Variants in FRMD4A observed in about 807,000 individuals in gnomAD.
The protein encoded by FRMD4A is FERM domain-containing protein 4A.
In FRMD4A, 29 loss-of-function variants were observed where a neutral mutation model predicts 129.1. The ratio of observed to expected loss-of-function variants is 0.22; its 90% CI spans 0.17 to 0.31. The LOEUF (loss-of-function observed/expected upper bound fraction) is 0.31, where lower values mean the gene tolerates loss of function less well. Among genes scored for constraint, FRMD4A ranks in the 10% least tolerant of loss-of-function variants. FRMD4A has a pLI of 1.00. For synonymous variants in FRMD4A, 634 were observed against 571.6 expected, an observed-to-expected ratio of 1.11 and a Z score of -1.56; for missense variants, 1,272 against 1,375.8, an observed-to-expected ratio of 0.92 and a Z score of 1.19.
intron 2 of FRMD4A, among the ~76,000 whole-genome samples, chr10:14,097,371 A>C (rs778779172): frequency 6.6e-6 from 1 of 152,148 alleles, no homozygotes; most frequent in Non-Finnish European, 1.5e-5. Flanking sequence ...AAGAAATAAT[A>C]ATTATTGTGA....
At position 13,883,511 on chromosome 10, in the gene FRMD4A, A is replaced by G. The variant is rs544613073; in HGVS notation, c.46-24599T>C. On this transcript the variant is annotated intron_variant, in intron 2 of 24. Coordinates refer to ENST00000357447, the MANE Select transcript of FRMD4A (RefSeq NM_018027.5). ...TGTCTCAAAAAACAAACAAACAAAA[A>G]AAACCAAGAAACAAAGCACTGTGTT... is the stretch of plus-strand genomic sequence containing the variant. Among the ~76,000 whole-genome samples the G allele has an allele frequency of 1.8e-3, 281 of 152,286 alleles. 1 individual carries two copies. The highest frequency in any genetic ancestry group is 6.1e-3 in the African/African-American group (255 of 41,556).
chr10:14,279,908 G>A (rs1222279485), intron 2 of FRMD4A, among the ~76,000 whole-genome samples: 7 of 152,258 alleles, frequency 4.6e-5, no homozygotes, highest in Middle Eastern at 3.4e-3. Flanking sequence ...TGCTGTCTTC[G>A]CAGGTCCCAC....
At chr10:13,969,843 T>C (rs919553324) in intron 2 of FRMD4A, among the ~76,000 whole-genome samples, 1 of 152,144 alleles carries the variant, frequency 6.6e-6, no homozygotes, top group Non-Finnish European at 1.5e-5. Context: ...CAATAACCTG[T>C]TCCCTCCCCC....
At chr10:13,764,639 T>A (rs1442790975) in intron 6 of FRMD4A, among the ~76,000 whole-genome samples, 1 of 152,200 alleles carries the variant, frequency 6.6e-6, no homozygotes, top group African/African-American at 2.4e-5. Context: ...ATAGCTCACA[T>A]GTTAAAGACA....
At chr10:13,697,553 C>G (rs952365565) in intron 14 of FRMD4A, among the ~76,000 whole-genome samples, 3 of 152,106 alleles carry the variant, frequency 2.0e-5, no homozygotes, top group African/African-American at 7.2e-5. Flanking sequence ...TTTGCAAAGT[C>G]AGGTCTCTGG....
At chr10:14,133,408 G>T (rs996373135) in intron 2 of FRMD4A, among the ~76,000 whole-genome samples, 2 of 152,182 alleles carry the variant, frequency 1.3e-5, no homozygotes, top group Admixed American at 1.3e-4. Context: ...TCTGGTGTCT[G>T]GCCATATGTT....
chr10:14,296,963 G>A (rs192694953), intron 2 of FRMD4A, among the ~76,000 whole-genome samples: 3 of 152,152 alleles, frequency 2.0e-5, no homozygotes, highest in South Asian at 2.1e-4. Context: ...AGAACTCTCC[G>A]AGCCCAGACA....
At chr10:13,749,027 C>T (rs1430394402) in intron 8 of FRMD4A, among the ~76,000 whole-genome samples, 1 of 152,202 alleles carries the variant, frequency 6.6e-6, no homozygotes, top group East Asian at 1.9e-4. Context: ...CTCCTCCTTA[C>T]ACACTCAGCA....
At chr10:14,005,224 A>AT (rs2095657940) in intron 2 of FRMD4A, among the ~76,000 whole-genome samples, 2 of 152,086 alleles carry the variant, frequency 1.3e-5, no homozygotes, top group South Asian at 4.2e-4. Flanking sequence ...GGGTTTCACC[A>AT]TGTTGGCCAG....
rs190166722 is a variant in FRMD4A at position 14,112,789 on chromosome 10, G to A, written c.45+217269C>T. Among the ~76,000 whole-genome samples the A allele has an allele frequency of 1.3e-3, 205 of 152,312 alleles. 1 individual carries two copies. The highest frequency in any genetic ancestry group is 4.8e-3 in the African/African-American group (201 of 41,568). On this transcript the variant is annotated intron_variant, in intron 2 of 24. Coordinates refer to ENST00000357447, the MANE Select transcript of FRMD4A (RefSeq NM_018027.5). ...GATCCGCCTTCCTCGGCCTCTCAAAGTGCTGGGATTACAGGCATGAGCCAC... is the reference window on the plus strand; with the variant it reads ...GATCCGCCTTCCTCGGCCTCTCAAAATGCTGGGATTACAGGCATGAGCCAC...
intron 12 of FRMD4A, among the ~76,000 whole-genome samples, chr10:13,708,998 T>C (rs1243318139): frequency 6.6e-6 from 1 of 152,154 alleles, no homozygotes; most frequent in East Asian, 1.9e-4. Flanking sequence ...ACTCTCACTG[T>C]GTCCCCCAGG....
chr10:13,680,132 C>A (rs954522835), intron 15 of FRMD4A, among the ~76,000 whole-genome samples: 2 of 152,168 alleles, frequency 1.3e-5, no homozygotes, highest in African/African-American at 4.8e-5. Context: ...TGAGGCAGGG[C>A]AGAGCCTTAG....
intron 2 of FRMD4A, among the ~76,000 whole-genome samples, chr10:14,090,443 C>A (rs762196876): frequency 2.6e-5 from 4 of 152,102 alleles, no homozygotes; most frequent in Non-Finnish European, 5.9e-5. Flanking sequence ...CCTGGGGACA[C>A]GACAGTCAAC....
chr10:13,758,679 C>T (rs772708295), intron 8 of FRMD4A, among the ~76,000 whole-genome samples: 15 of 152,084 alleles, frequency 9.9e-5, no homozygotes, highest in Non-Finnish European at 1.9e-4. Flanking sequence ...AGGACCCTCT[C>T]TTTTTTTGCT....
intron 2 of FRMD4A, among the ~76,000 whole-genome samples, chr10:14,114,148 A>G (rs1838077077): frequency 6.6e-6 from 1 of 152,252 alleles, no homozygotes; most frequent in African/African-American, 2.4e-5. Flanking sequence ...GTGCGCCAGC[A>G]AAAGTTCTGG....
chr10:14,270,229 A>G (rs75485588), intron 2 of FRMD4A, among the ~76,000 whole-genome samples: 1,705 of 152,304 alleles, frequency 0.011, 39 homozygotes, highest in African/African-American at 0.038. Flanking sequence ...ACAGCCCATC[A>G]TGGGACTTCT....
At chr10:14,170,846 C>T (rs1841437707) in intron 2 of FRMD4A, among the ~76,000 whole-genome samples, 1 of 151,712 alleles carries the variant, frequency 6.6e-6, no homozygotes. Flanking sequence ...CTCCTCTTTT[C>T]TTCCCCTCCC....
intron 4 of FRMD4A, among the ~76,000 whole-genome samples, chr10:13,804,575 C>T (rs2093326515): frequency 2.0e-5 from 3 of 151,664 alleles, no homozygotes; most frequent in Admixed American, 6.6e-5. Context: ...GACGGAGTCT[C>T]GCTCTGTCGC....
chr10:13,914,663 A>G (rs1161292897), intron 2 of FRMD4A, among the ~76,000 whole-genome samples: 1 of 152,194 alleles, frequency 6.6e-6, no homozygotes, highest in African/African-American at 2.4e-5. Context: ...GAAGATTTAA[A>G]CAGACCAGCT....
Sources: gnomAD v4.1 joint callset for allele counts (sites outside exome capture counted in the v4.1 genomes callset) on GRCh38, gnomAD v4.1.1 for gene constraint, MANE v1.5 for transcripts, NCBI Gene and HGNC (gene_info 2026-07-23, HGNC 2026-07-21) for gene names.